The following SAMD3 variants were observed in gnomAD, a reference collection of about 807,000 sequenced individuals.
The protein encoded by SAMD3 is sterile alpha motif domain containing 3, also known as sterile alpha motif domain-containing protein 3.
SAMD3 carries 63 observed loss-of-function variants against 58.5 expected under a neutral mutation model. The observed-to-expected ratio is 1.08, with a 90% CI of 0.88 to 1.33. The LOEUF is 1.33. Ranked by LOEUF, SAMD3 falls within the 40% of genes most tolerant of loss-of-function variation. The probability of loss-of-function intolerance (pLI) is 0.00; values close to 1 mark genes in which losing one functional copy is unlikely to be tolerated. For synonymous variants in SAMD3, 220 were observed against 210.3 expected (o/e 1.05, Z -0.40); for missense variants, 604 against 608.4 (o/e 0.99, Z 0.08).
intron 5 of SAMD3, among the ~76,000 whole-genome samples, chr6:130,190,315 C>A (rs372635433): frequency 2.6e-4 from 39 of 147,838 alleles, no homozygotes; most frequent in African/African-American, 3.2e-4. Context: ...ATGTAACGTA[C>A]AAAAAAAAAA....
At chr6:130,278,714 T>G (rs940720537) in intron 2 of SAMD3, among the ~76,000 whole-genome samples, 4 of 152,176 alleles carry the variant, frequency 2.6e-5, no homozygotes, top group Non-Finnish European at 2.9e-5. Context: ...GGCATCTTAC[T>G]TTTGCTCACA....
chr6:130,346,670 A>C (rs1050546143), intron 1 of SAMD3, among the ~76,000 whole-genome samples: 3 of 152,228 alleles, frequency 2.0e-5, no homozygotes, highest in Non-Finnish European at 4.4e-5. Flanking sequence ...ATAGCCAAAC[A>C]AAAGGCAGCA....
In SAMD3 at chr6:130,284,116, G is replaced by A. The variant is rs556614840; in HGVS notation, c.-188+28862C>T. 9.8e-5 allele frequency among the ~76,000 whole-genome samples: 15 copies of A among 152,316 alleles called. No homozygotes were observed. In the East Asian group the frequency reaches 2.7e-3, roughly 27 times the overall value. ...GATTTGCCCACTTCAGCCTCCCAAAGTGTTGGGATTATAGGCGTGAGCCAC... is the reference window on the plus strand; with the variant it reads ...GATTTGCCCACTTCAGCCTCCCAAAATGTTGGGATTATAGGCGTGAGCCAC... On this transcript the variant is annotated intron_variant, in intron 2 of 13. Transcript: ENST00000368134.
At chr6:130,330,394 G>A (rs2115011770) in intron 1 of SAMD3, among the ~76,000 whole-genome samples, 1 of 152,238 alleles carries the variant, frequency 6.6e-6, no homozygotes, top group South Asian at 2.1e-4. Context: ...TGCTATCTAA[G>A]CTTTAATCTA....
At chr6:130,332,205 G>A (rs116385926) in intron 1 of SAMD3, among the ~76,000 whole-genome samples, 2,923 of 152,274 alleles carry the variant, frequency 0.019, 90 homozygotes, top group African/African-American at 0.066. Context: ...TGAATGGATT[G>A]TGGTTCCTAG....
At chr6:130,176,042 G>A (rs1234394802) in intron 7 of SAMD3, 34 bp from the exon 8 acceptor site, 3 of 1,544,246 alleles carry the variant, frequency 1.9e-6, no homozygotes, top group Non-Finnish European at 8.9e-7. Flanking sequence ...AATCTTCAAG[G>A]AGATTGAGAT....
chr6:130,356,496 T>C (rs1254512186), intron 1 of SAMD3, among the ~76,000 whole-genome samples: 2 of 152,228 alleles, frequency 1.3e-5, no homozygotes, highest in Non-Finnish European at 2.9e-5. Flanking sequence ...TTTTTCTTCA[T>C]AGCATGTATC....
At chr6:130,277,721 A>G (rs1774828730) in intron 2 of SAMD3, among the ~76,000 whole-genome samples, 1 of 152,168 alleles carries the variant, frequency 6.6e-6, no homozygotes, top group Non-Finnish European at 1.5e-5. Context: ...TGTGGTAACA[A>G]GCAATCCTCT....
intron 4 of SAMD3, among the ~76,000 whole-genome samples, chr6:130,210,490 T>C (rs1795445308): frequency 6.6e-6 from 1 of 151,800 alleles, no homozygotes; most frequent in Non-Finnish European, 1.5e-5. Context: ...TCTCAGCTAC[T>C]TGGGAGACTG....
chr6:130,145,118 G>T (rs979660755), intron 11 of SAMD3, among the ~76,000 whole-genome samples: 19 of 152,106 alleles, frequency 1.2e-4, no homozygotes, highest in African/African-American at 4.3e-4. Flanking sequence ...AATTAGCTGG[G>T]CGTGGTGGTG....
At chr6:130,202,928 G>A (rs762490744) in intron 5 of SAMD3, among the ~76,000 whole-genome samples, 1 of 152,138 alleles carries the variant, frequency 6.6e-6, no homozygotes, top group African/African-American at 2.4e-5. Context: ...CCCCGCAGTG[G>A]TGACTGGGCT....
intron 2 of SAMD3, among the ~76,000 whole-genome samples, chr6:130,305,436 A>G (rs188693948): frequency 6.6e-6 from 1 of 152,166 alleles, no homozygotes; most frequent in South Asian, 2.1e-4. Context: ...TACCCTGTCT[A>G]TAATCTCCAG....
intron 2 of SAMD3, among the ~76,000 whole-genome samples, chr6:130,304,238 C>A (rs1281830162): frequency 6.6e-6 from 1 of 152,142 alleles, no homozygotes; most frequent in Non-Finnish European, 1.5e-5. Context: ...GATGTGATCT[C>A]GGCTTACTGC....
At chr6:130,348,980 T>C (rs1777557234) in intron 1 of SAMD3, among the ~76,000 whole-genome samples, 1 of 151,998 alleles carries the variant, frequency 6.6e-6, no homozygotes, top group Non-Finnish European at 1.5e-5. Context: ...GAATGACTAC[T>C]GGGTACATAA....
At chr6:130,143,838 A>C (rs1012927398), downstream of SAMD3, 6 of 152,332 alleles carry the variant, frequency 3.9e-5, no homozygotes, top group African/African-American at 1.2e-4. Context: ...AGCAGAACAG[A>C]TAGAACTGGA....
At chr6:130,179,405 C>T (rs1002252406) in intron 7 of SAMD3, among the ~76,000 whole-genome samples, 1 of 152,022 alleles carries the variant, frequency 6.6e-6, no homozygotes, top group Non-Finnish European at 1.5e-5. Context: ...GACAGCTCTC[C>T]GTCAACCACT....
chr6:130,198,496 A>G (rs1446362164), intron 5 of SAMD3, among the ~76,000 whole-genome samples: 1 of 152,218 alleles, frequency 6.6e-6, no homozygotes, highest in Non-Finnish European at 1.5e-5. Flanking sequence ...GATGTGAGCC[A>G]CCACATCTAG....
chr6:130,159,071 T>G (rs1453178611), intron 8 of SAMD3, among the ~76,000 whole-genome samples: 1 of 152,196 alleles, frequency 6.6e-6, no homozygotes, highest in Non-Finnish European at 1.5e-5. Flanking sequence ...TGATATGGTT[T>G]GGCTCTGTGT....
intron 8 of SAMD3, among the ~76,000 whole-genome samples, chr6:130,168,992 G>C (rs903947899): frequency 1.3e-5 from 2 of 152,004 alleles, no homozygotes; most frequent in African/African-American, 2.4e-5. Context: ...TTTTTGTAAA[G>C]AGGGGGTCTC....
Sources: gnomAD v4.1 joint callset for allele counts (sites outside exome capture counted in the v4.1 genomes callset) on GRCh38, gnomAD v4.1.1 for gene constraint, MANE v1.5 for transcripts, NCBI Gene and HGNC (gene_info 2026-07-23, HGNC 2026-07-21) for gene names.